PIP5K1C: variants seen among roughly 807,000 people sequenced by gnomAD.
PIP5K1C encodes phosphatidylinositol-4-phosphate 5-kinase type 1 gamma.
PIP5K1C carries 45 observed loss-of-function variants against 80.1 expected under a neutral mutation model. The ratio of observed to expected loss-of-function variants is 0.56; its 90% CI spans 0.44 to 0.72. The LOEUF (loss-of-function observed/expected upper bound fraction) is 0.72, where lower values mean the gene tolerates loss of function less well. PIP5K1C is among the 30% of genes least tolerant of loss of function. PIP5K1C has a pLI of 0.00. For synonymous variants in PIP5K1C, 498 were observed against 420.1 expected (o/e 1.19, Z -2.27); for missense variants, 753 against 954.6 (o/e 0.79, Z 2.78).
rs1219939058 is a variant in PIP5K1C, at chr19:3,632,195, C to T, written c.*972G>A. 2.0e-5 allele frequency: 3 copies of T among 152,334 alleles called. No homozygotes were observed. The highest frequency in any genetic ancestry group is 7.2e-5 in the African/African-American group (3 of 41,474). The allele number at this position is 152,334 out of a possible 1,614,324, so 9.4% of individuals were successfully genotyped here. On this transcript the variant is annotated 3_prime_UTR_variant, in exon 18 of 18. Coordinates refer to ENST00000335312, the MANE Select transcript of PIP5K1C (RefSeq NM_012398.3). ...ACATCCACACCAGTCCTGAAGGAGA[C>T]TCCTGTGGAGCCGGGCCTGGCCCCC...
intron 3 of PIP5K1C, among the ~76,000 whole-genome samples, chr19:3,663,899 T>A (rs1173975733): frequency 6.6e-6 from 1 of 152,188 alleles, no homozygotes; most frequent in Non-Finnish European, 1.5e-5. Context: ...CGAACACATG[T>A]ATCCACACAG....
intron 1 of PIP5K1C, among the ~76,000 whole-genome samples, chr19:3,684,231 TTGCCTTATAATTAGAG>T (rs1304944101): frequency 2.6e-5 from 4 of 152,230 alleles, no homozygotes; most frequent in Admixed American, 1.3e-4. Context: ...GAGCATTTCT[TTGCCTTATAATTAGAG>T]GCATCAAGAT....
intron 1 of PIP5K1C, among the ~76,000 whole-genome samples, chr19:3,700,019 G>A (rs917518753): frequency 4.6e-5 from 7 of 152,192 alleles, no homozygotes; most frequent in African/African-American, 1.7e-4. Context: ...CAGCCCCTGG[G>A]AGCGGGTCAG....
At chr19:3,638,444 G>C (rs1039151473) in intron 16 of PIP5K1C, among the ~76,000 whole-genome samples, 2 of 152,242 alleles carry the variant, frequency 1.3e-5, no homozygotes, top group Non-Finnish European at 1.5e-5. Context: ...ACAGGGAGAA[G>C]GTCCTGCCGC....
At chr19:3,649,990 G>A (rs1422774115) in intron 8 of PIP5K1C, 8 of 187,010 alleles carry the variant, frequency 4.3e-5, no homozygotes, top group Non-Finnish European at 8.9e-5. Flanking sequence ...AGGCTGGTAC[G>A]CTCACCTGCT....
intron 7 of PIP5K1C, 89 bp from the exon 8 acceptor site, chr19:3,652,120 A>ATGGCCCCGTGGGCTCGGG: frequency 7.8e-7 from 1 of 1,283,962 alleles, no homozygotes; most frequent in Non-Finnish European, 1.1e-6. Context: ...CCCAGCACGG[A>ATGGCCCCGTGGGCTCGGG]TGGCCCCGTG....
At chr19:3,679,238 G>C (rs1215930723) in intron 1 of PIP5K1C, among the ~76,000 whole-genome samples, 1 of 152,088 alleles carries the variant, frequency 6.6e-6, no homozygotes, top group Admixed American at 6.5e-5. Flanking sequence ...GGGGACACGG[G>C]TCACAGAGGA....
intron 1 of PIP5K1C, among the ~76,000 whole-genome samples, chr19:3,684,488 C>A (rs1007864649): frequency 1.3e-5 from 2 of 152,198 alleles, no homozygotes; most frequent in African/African-American, 4.8e-5. Flanking sequence ...TCTTGGAATC[C>A]CTCCAGTACG....
At chr19:3,700,266 G>A (rs1600110348) in intron 1 of PIP5K1C, 31 bp downstream of exon 1, 3 of 1,171,550 alleles carry the variant, frequency 2.6e-6, no homozygotes, top group African/African-American at 3.3e-5. Flanking sequence ...CGAGCCCAGC[G>A]GGCCGCAGCC....
chr19:3,636,714 A>T, intron 16 of PIP5K1C: 1 of 986,514 alleles, frequency 1.0e-6, no homozygotes, highest in Non-Finnish European at 1.2e-6. Flanking sequence ...AGTGCCTGGC[A>T]CACAGAGGTG....
intron 3 of PIP5K1C, 36 bp downstream of exon 3, chr19:3,664,786 C>G: frequency 6.5e-7 from 1 of 1,542,160 alleles, no homozygotes; most frequent in Non-Finnish European, 9.0e-7. Context: ...CTGCTCTGTC[C>G]CGCTCCCTCC....
In PIP5K1C at chr19:3,648,292, G is replaced by T. The variant is rs1467004124; in HGVS notation, c.1211+333C>A. ...CCCGCCTCGGCCTCCCACAGTGCTA[G>T]ATTACAGGTGTGGACCACTACGCCC... On this transcript the variant is annotated intron_variant, in intron 9 of 17. Transcript: ENST00000335312. This position sits in a 1 kb window ranked among gnomAD's most constrained non-coding sequence, Gnocchi z 4.3. 6.6e-6 allele frequency among the ~76,000 whole-genome samples: 1 copy of T among 152,220 alleles called. No homozygotes were observed. The highest frequency in any genetic ancestry group is 1.9e-4 in the East Asian group (1 of 5,198).
chr19:3,650,857 A>T (rs559653502), intron 8 of PIP5K1C, among the ~76,000 whole-genome samples: 1 of 151,784 alleles, frequency 6.6e-6, no homozygotes, highest in East Asian at 1.9e-4. Flanking sequence ...CCTGGGTTCA[A>T]GCGATTCTCC....
intron 1 of PIP5K1C, among the ~76,000 whole-genome samples, chr19:3,691,608 G>A (rs1361596673): frequency 2.6e-5 from 4 of 152,152 alleles, no homozygotes; most frequent in Non-Finnish European, 4.4e-5. Context: ...CGCCTGGCCC[G>A]TCCCTTCCAA....
intron 1 of PIP5K1C, among the ~76,000 whole-genome samples, chr19:3,693,539 C>T (rs1020990188): frequency 3.3e-5 from 5 of 152,214 alleles, no homozygotes; most frequent in African/African-American, 1.2e-4. Flanking sequence ...CCGGCCTGGT[C>T]CTGCGTGAAG....
At position 3,686,162 on chromosome 19, in the gene PIP5K1C, A is replaced by C. The variant is rs2035753361; in HGVS notation, c.94+14135T>G. Among the ~76,000 whole-genome samples, 2 of 152,164 alleles carry C rather than the reference A, an allele frequency of 1.3e-5. 1 individual carries two copies. Among genetic ancestry groups the C allele is most frequent in the South Asian group, 4.1e-4 (2 of 4,822 alleles). Reference sequence around the variant, plus strand: ...GCCACCGTACTTAGACTAAAAGCTAAAAAATTTACTACTCAGCCCTTTACA... The same window carrying C: ...GCCACCGTACTTAGACTAAAAGCTACAAAATTTACTACTCAGCCCTTTACA... On this transcript the variant is annotated intron_variant, in intron 1 of 17. Transcript: ENST00000335312.
At chr19:3,646,808 A>G (rs1212950838) in intron 10 of PIP5K1C, among the ~76,000 whole-genome samples, 1 of 152,174 alleles carries the variant, frequency 6.6e-6, no homozygotes, top group Admixed American at 6.5e-5. Context: ...GGCTGTGGTC[A>G]CACAGACGTT....
At chr19:3,638,294 C>A (rs1267701354) in intron 16 of PIP5K1C, among the ~76,000 whole-genome samples, 2 of 152,152 alleles carry the variant, frequency 1.3e-5, no homozygotes, top group Non-Finnish European at 2.9e-5. Flanking sequence ...ATCCCAGGTC[C>A]CCAGGGCCGG....
intron 1 of PIP5K1C, among the ~76,000 whole-genome samples, chr19:3,697,351 C>G (rs1444834244): frequency 2.7e-5 from 4 of 150,278 alleles, no homozygotes; most frequent in Non-Finnish European, 4.4e-5. Context: ...CCGGGGAGGA[C>G]CGAGCCAGAC....
Sources: allele counts gnomAD v4.1 joint callset (sites outside exome capture counted in the v4.1 genomes callset), GRCh38; gene constraint gnomAD v4.1.1; non-coding constraint Gnocchi (gnomAD v3.1); transcripts MANE v1.5; gene names NCBI Gene and HGNC (gene_info 2026-07-23, HGNC 2026-07-21).